Variants in ZNF536 observed in about 807,000 individuals in gnomAD.
ZNF536 encodes zinc finger protein 536.
A neutral mutation model predicts 84.5 loss-of-function variants in ZNF536; 13 were observed. The observed-to-expected ratio is 0.15, with a 90% CI of 0.10 to 0.24. The LOEUF is 0.24. Among genes scored for constraint, ZNF536 ranks in the 10% least tolerant of loss-of-function variants. The pLI is 1.00. For synonymous variants in ZNF536, 811 were observed against 742.5 expected, an observed-to-expected ratio of 1.09 and a Z score of -1.50; for missense variants, 1,536 against 1,747.5, an observed-to-expected ratio of 0.88 and a Z score of 2.16.
chr19:30,427,939 T>C (rs2147935569), intron 1 of ZNF536, among the ~76,000 whole-genome samples: 1 of 152,316 alleles, frequency 6.6e-6, no homozygotes, highest in Non-Finnish European at 1.5e-5. Flanking sequence ...CTTGCTATTG[T>C]TTTGATTTGA....
intron 1 of ZNF536, among the ~76,000 whole-genome samples, chr19:30,588,259 C>T (rs1053520509): frequency 1.3e-5 from 2 of 152,226 alleles, no homozygotes; most frequent in African/African-American, 2.4e-5. Flanking sequence ...TGTTGAGCAT[C>T]ACCACGGCAG....
At chr19:30,386,692 A>T (rs2147269807) in intron 1 of ZNF536, among the ~76,000 whole-genome samples, 1 of 152,306 alleles carries the variant, frequency 6.6e-6, no homozygotes, top group Admixed American at 6.5e-5. Flanking sequence ...GTCTCTTCTG[A>T]CATGTAGTGG....
chr19:30,388,432 C>G (rs1254171342), intron 1 of ZNF536, among the ~76,000 whole-genome samples: 1 of 152,230 alleles, frequency 6.6e-6, no homozygotes, highest in African/African-American at 2.4e-5. Flanking sequence ...GCCATTGTGA[C>G]CACTTTGTAG....
chr19:30,574,094 G>T (rs1176716976), intron 1 of ZNF536, among the ~76,000 whole-genome samples: 1 of 152,176 alleles, frequency 6.6e-6, no homozygotes, highest in African/African-American at 2.4e-5. Context: ...GAGGCAAAAG[G>T]TAGCCCACCT....
intron 1 of ZNF536, among the ~76,000 whole-genome samples, chr19:30,689,726 G>C (rs58661628): frequency 6.6e-6 from 1 of 152,154 alleles, no homozygotes; most frequent in Non-Finnish European, 1.5e-5. Context: ...CGTGTGTCCC[G>C]TGGAACAGGG....
At chr19:30,406,836 C>G (rs1431118275) in intron 1 of ZNF536, among the ~76,000 whole-genome samples, 1 of 152,180 alleles carries the variant, frequency 6.6e-6, no homozygotes, top group Non-Finnish European at 1.5e-5. Flanking sequence ...GCTATCATGT[C>G]AGTTTCTCAT....
At chr19:30,442,463 C>T (rs1223612470) in intron 1 of ZNF536, among the ~76,000 whole-genome samples, 1 of 152,218 alleles carries the variant, frequency 6.6e-6, no homozygotes, top group Non-Finnish European at 1.5e-5. Context: ...AACACTCAAA[C>T]TTGGTTGAGA....
intron 1 of ZNF536, among the ~76,000 whole-genome samples, chr19:30,425,581 A>G (rs1009817348): frequency 6.6e-6 from 1 of 151,884 alleles, no homozygotes; most frequent in African/African-American, 2.4e-5. Flanking sequence ...CCCCACTGCC[A>G]CCCGCTTAGA....
intron 1 of ZNF536, among the ~76,000 whole-genome samples, chr19:30,398,557 A>G (rs1332638858): frequency 6.6e-6 from 1 of 152,074 alleles, no homozygotes; most frequent in Non-Finnish European, 1.5e-5. Flanking sequence ...AATCCCGGAC[A>G]GGCCCCAGTG....
intron 1 of ZNF536, chr19:30,668,479 G>A (rs1188463528): frequency 6.6e-6 from 1 of 152,200 alleles, no homozygotes; most frequent in African/African-American, 2.4e-5. Flanking sequence ...GGATCTTGGC[G>A]GCCAATTTGA....
chr19:30,669,719 A>G (rs1440687550), intron 1 of ZNF536, among the ~76,000 whole-genome samples: 1 of 152,222 alleles, frequency 6.6e-6, no homozygotes, highest in Non-Finnish European at 1.5e-5. Flanking sequence ...ACCAACTGAC[A>G]AACACCCAAT....
chr19:30,419,430 T>G (rs1181110022), intron 1 of ZNF536, among the ~76,000 whole-genome samples: 1 of 152,168 alleles, frequency 6.6e-6, no homozygotes, highest in East Asian at 1.9e-4. Context: ...GCCAAACTGC[T>G]TTCAGAAAAA....
downstream of ZNF536, among the ~76,000 whole-genome samples, chr19:30,559,036 C>A (rs1024086572): frequency 6.6e-6 from 1 of 152,204 alleles, no homozygotes; most frequent in African/African-American, 2.4e-5. Context: ...TCTCATAAAA[C>A]CTTTTCAAGT....
chr19:30,558,718 G>T (rs1487253193), downstream of ZNF536, among the ~76,000 whole-genome samples: 1 of 152,118 alleles, frequency 6.6e-6, no homozygotes, highest in Non-Finnish European at 1.5e-5. Context: ...CCGTGAGCTG[G>T]ACTTGAGGGT....
intron 1 of ZNF536, among the ~76,000 whole-genome samples, chr19:30,626,429 C>T (rs766645195): frequency 5.9e-5 from 9 of 151,776 alleles, no homozygotes; most frequent in Non-Finnish European, 1.3e-4. Context: ...ACAATTTGTT[C>T]CATCCATTGA....
chr19:30,360,630 G>A (rs979990454), intron 3 of ZNF536, among the ~76,000 whole-genome samples: 4 of 152,112 alleles, frequency 2.6e-5, no homozygotes, highest in Non-Finnish European at 4.4e-5. Flanking sequence ...TCGGTCTGAC[G>A]CGGTCAGAAA....
chr19:30,703,347 T>C (rs1052330907), intron 1 of ZNF536, among the ~76,000 whole-genome samples: 25 of 152,246 alleles, frequency 1.6e-4, no homozygotes, highest in Middle Eastern at 3.4e-3. Context: ...CCCCATCACT[T>C]GTACAATATC....
chr19:30,427,350 T>C (rs1029168027), intron 1 of ZNF536, among the ~76,000 whole-genome samples: 1 of 152,180 alleles, frequency 6.6e-6, no homozygotes, highest in African/African-American at 2.4e-5. Flanking sequence ...AGAGATAAGG[T>C]AGGATGCAGC....
In ZNF536 at chr19:30,533,773, G is replaced by T. The variant is rs962955607; in HGVS notation, c.2171-1074G>T. ...ATGAGGCCTAGAGGGTGGGCTGGAA[G>T]CTACGGTGAGGATCACCCCGCTATC... On this transcript the variant is annotated intron_variant, in intron 2 of 4. Coordinates refer to ENST00000355537, the MANE Select transcript of ZNF536 (RefSeq NM_014717.3). 7.2e-5 allele frequency among the ~76,000 whole-genome samples: 11 copies of T among 152,220 alleles called. 1 individual carries two copies. In the East Asian group the frequency reaches 1.7e-3, roughly 24 times the overall value.
Sources: allele counts gnomAD v4.1 joint callset (sites outside exome capture counted in the v4.1 genomes callset), GRCh38; gene constraint gnomAD v4.1.1; transcripts MANE v1.5; gene names NCBI Gene and HGNC (gene_info 2026-07-23, HGNC 2026-07-21).